SPAG16: variants seen among roughly 807,000 people sequenced by gnomAD.
SPAG16 encodes sperm associated antigen 16.
A neutral mutation model predicts 80.4 loss-of-function variants in SPAG16; 86 were observed. That is an observed-to-expected ratio of 1.07 (90% CI 0.90 to 1.28). The LOEUF is 1.28. Ranked by LOEUF, SPAG16 falls within the 50% of genes most tolerant of loss-of-function variation. The probability of loss-of-function intolerance (pLI) is 0.00; values close to 1 mark genes in which losing one functional copy is unlikely to be tolerated. For missense variants in SPAG16, 870 were observed against 765.3 expected (o/e 1.14, Z -1.61); for synonymous variants, 294 against 265.9 (o/e 1.11, Z -1.03).
rs1366596588 is a variant in SPAG16 at position 213,585,986 on chromosome 2, TG to T, written c.1070+95897del. Among the ~76,000 whole-genome samples the T allele has an allele frequency of 2.6e-5, 4 of 152,290 alleles. No homozygotes were observed. In the East Asian group the frequency reaches 7.7e-4, roughly 29 times the overall value. ...TTAATCTAATCATCTCCATAACATA[TG>T]ATGTATACAGTGGTGATGAATATAC... On this transcript the variant is annotated intron_variant, in intron 10 of 15. Coordinates refer to ENST00000331683, the MANE Select transcript of SPAG16 (RefSeq NM_024532.5).
chr2:213,864,212 T>C (rs533213248), intron 11 of SPAG16, among the ~76,000 whole-genome samples: 3 of 152,162 alleles, frequency 2.0e-5, no homozygotes, highest in Non-Finnish European at 2.9e-5. Context: ...CAAATGAATA[T>C]GAAAAAATAT....
At chr2:213,459,245 G>A (rs2072220046) in intron 9 of SPAG16, among the ~76,000 whole-genome samples, 1 of 152,036 alleles carries the variant, frequency 6.6e-6, no homozygotes, top group Admixed American at 6.6e-5. Flanking sequence ...TCCTGGGTTT[G>A]GTCATACAGT....
intron 10 of SPAG16, among the ~76,000 whole-genome samples, chr2:213,802,833 CTTG>C (rs1201733398): frequency 1.3e-5 from 2 of 151,608 alleles, no homozygotes; most frequent in Admixed American, 6.6e-5. Flanking sequence ...CCTTTCACCA[CTTG>C]TTATCACTTC....
chr2:213,625,444 C>A (rs2125065137), intron 10 of SPAG16, among the ~76,000 whole-genome samples: 1 of 152,048 alleles, frequency 6.6e-6, no homozygotes, highest in East Asian at 1.9e-4. Context: ...CGACTATGTA[C>A]CCACAACAAT....
chr2:214,260,957 A>G (rs1191078337), intron 15 of SPAG16, among the ~76,000 whole-genome samples: 1 of 151,740 alleles, frequency 6.6e-6, no homozygotes, highest in African/African-American at 2.4e-5. Flanking sequence ...AAGTACAAAA[A>G]TTAGCCGGGC....
chr2:213,937,693 C>G (rs1001035818), intron 12 of SPAG16, among the ~76,000 whole-genome samples: 1 of 151,824 alleles, frequency 6.6e-6, no homozygotes, highest in African/African-American at 2.4e-5. Context: ...AAGCACTATT[C>G]AAGAAATATC....
chr2:213,845,104 T>A (rs1367486571), intron 10 of SPAG16, among the ~76,000 whole-genome samples: 1 of 152,166 alleles, frequency 6.6e-6, no homozygotes, highest in Non-Finnish European at 1.5e-5. Flanking sequence ...ACTTAAATAC[T>A]TTCTCCTGAG....
intron 10 of SPAG16, among the ~76,000 whole-genome samples, chr2:213,781,976 T>A (rs1559464620): frequency 6.6e-6 from 1 of 152,204 alleles, no homozygotes; most frequent in African/African-American, 2.4e-5. Flanking sequence ...TAGCAATAAC[T>A]ACCTCCTCTG....
intron 13 of SPAG16, among the ~76,000 whole-genome samples, chr2:214,080,654 T>TC (rs1405557232): frequency 4.0e-5 from 6 of 151,286 alleles, no homozygotes; most frequent in Non-Finnish European, 7.4e-5. Context: ...AAAGAAAAAT[T>TC]CTAACCACAT....
chr2:213,870,838 C>A (rs1437561883), intron 11 of SPAG16, among the ~76,000 whole-genome samples: 1 of 152,070 alleles, frequency 6.6e-6, no homozygotes, highest in South Asian at 2.1e-4. Context: ...TTTTAAAAAA[C>A]CCATAGGAAT....
Position 213,565,761 on chromosome 2 carries a change from GA to G in SPAG16, c.1070+75673del, listed in dbSNP as rs369825990. On this transcript the variant is annotated intron_variant, in intron 10 of 15. Transcript: ENST00000331683. ...TCAACTAGTAATAGCCCAGGCCTCA[GA>G]AGGATGGAAGACCAGTTTTGAATAA... Among the ~76,000 whole-genome samples the G allele has an allele frequency of 7.3e-4, 111 of 152,328 alleles. 2 individuals carry two copies. Among genetic ancestry groups the G allele is most frequent in the Middle Eastern group, 3.4e-3 (1 of 294 alleles).
intron 15 of SPAG16, among the ~76,000 whole-genome samples, chr2:214,174,428 C>T (rs757420031): frequency 6.6e-6 from 1 of 151,982 alleles, no homozygotes; most frequent in African/African-American, 2.4e-5. Context: ...CATTCTTATA[C>T]ACCAGTAACA....
intron 10 of SPAG16, among the ~76,000 whole-genome samples, chr2:213,703,728 A>G (rs2065609623): frequency 6.6e-6 from 1 of 152,238 alleles, no homozygotes; most frequent in Admixed American, 6.5e-5. Flanking sequence ...AACCTCAGTC[A>G]GTGACTAAGC....
At chr2:213,895,913 C>CA (rs1268858955) in intron 11 of SPAG16, among the ~76,000 whole-genome samples, 2 of 148,564 alleles carry the variant, frequency 1.3e-5, no homozygotes, top group African/African-American at 5.0e-5. Flanking sequence ...GCAACTAAAG[C>CA]AAAAAATAAA....
intron 12 of SPAG16, among the ~76,000 whole-genome samples, chr2:214,002,630 A>G (rs2046843561): frequency 6.6e-6 from 1 of 152,124 alleles, no homozygotes; most frequent in Non-Finnish European, 1.5e-5. Context: ...TCCAGTCCAA[A>G]CCTGAAGGTC....
rs564643339 is a variant in SPAG16 at position 214,064,314 on chromosome 2, T to C, written c.1528-43882T>C. ...TATATTTAGCTTTTTAAATAATAAG[T>C]ATGCTCCTTGTGATAATTTAAAAAT... On this transcript the variant is annotated intron_variant, in intron 13 of 15. Transcript: ENST00000331683. Among the ~76,000 whole-genome samples, 168 of 152,254 alleles carry C rather than the reference T, an allele frequency of 1.1e-3. 1 individual carries two copies. Among genetic ancestry groups the C allele is most frequent in the African/African-American group, 3.9e-3 (164 of 41,572 alleles).
intron 10 of SPAG16, among the ~76,000 whole-genome samples, chr2:213,818,152 A>T (rs1189056929): frequency 2.0e-5 from 3 of 152,146 alleles, no homozygotes; most frequent in Non-Finnish European, 4.4e-5. Flanking sequence ...CTCCATAGGA[A>T]TCTCATCAAA....
At chr2:213,903,911 C>A (rs1043153468) in intron 11 of SPAG16, among the ~76,000 whole-genome samples, 17 of 152,112 alleles carry the variant, frequency 1.1e-4, no homozygotes, top group African/African-American at 4.1e-4. Context: ...AGGGCAGGGG[C>A]AAAGTGTCTT....
At chr2:213,921,191 C>G (rs564740252) in intron 11 of SPAG16, among the ~76,000 whole-genome samples, 36 of 152,312 alleles carry the variant, frequency 2.4e-4, no homozygotes, top group African/African-American at 7.7e-4. Flanking sequence ...GTTGTTCCAC[C>G]TGGTTGTGTC....
Sources: gnomAD v4.1 joint callset for allele counts (sites outside exome capture counted in the v4.1 genomes callset) on GRCh38, gnomAD v4.1.1 for gene constraint, MANE v1.5 for transcripts, NCBI Gene and HGNC (gene_info 2026-07-23, HGNC 2026-07-21) for gene names.